Variants in CFAP20DC observed in about 807,000 individuals in gnomAD.
The protein encoded by CFAP20DC is CFAP20 domain containing, also known as protein CFAP20DC.
In CFAP20DC, 84 loss-of-function variants were observed where a neutral mutation model predicts 101.7. The ratio of observed to expected loss-of-function variants is 0.83; its 90% CI spans 0.69 to 0.99. CFAP20DC has a LOEUF of 0.99. Ranked by LOEUF, CFAP20DC falls within the 50% of genes least tolerant of loss-of-function variation. The pLI is 0.00. For missense variants in CFAP20DC, 1,007 were observed against 970.3 expected (o/e 1.04, Z -0.50); for synonymous variants, 359 against 351.2 (o/e 1.02, Z -0.25).
In CFAP20DC at chr3:58,908,005, C is replaced by G. The variant is rs529927610; in HGVS notation, c.550+5703G>C. On this transcript the variant is annotated intron_variant, in intron 6 of 16. Coordinates refer to ENST00000482387, the MANE Select transcript of CFAP20DC (RefSeq NM_001394063.1). ...AATCACACCAATGCTCGTTCTTAGACTCCCTTACGGATAATCCATTCATTT... is the reference window on the plus strand; with the variant it reads ...AATCACACCAATGCTCGTTCTTAGAGTCCCTTACGGATAATCCATTCATTT... Among the ~76,000 whole-genome samples, 7 of 152,294 alleles carry G rather than the reference C, an allele frequency of 4.6e-5. No homozygotes were observed. In the South Asian group the frequency reaches 1.2e-3, roughly 27 times the overall value.
intron 4 of CFAP20DC, among the ~76,000 whole-genome samples, 189 bp downstream of exon 4, chr3:59,039,368 G>A (rs1057122602): frequency 1.3e-5 from 2 of 151,896 alleles, no homozygotes; most frequent in Non-Finnish European, 2.9e-5. Flanking sequence ...TTTTCCTAGG[G>A]AAATGCCAGA....
chr3:58,941,858 T>C (rs2088648678), intron 4 of CFAP20DC, among the ~76,000 whole-genome samples: 1 of 152,150 alleles, frequency 6.6e-6, no homozygotes, highest in Non-Finnish European at 1.5e-5. Context: ...GCCCGGCCCT[T>C]TCATTTCTTT....
intron 5 of CFAP20DC, among the ~76,000 whole-genome samples, chr3:58,916,402 A>T (rs2084715481): frequency 6.6e-6 from 1 of 151,986 alleles, no homozygotes; most frequent in South Asian, 2.1e-4. Context: ...CCAGATCCTT[A>T]CCCACTGTAC....
rs955482937 is a variant in CFAP20DC, at chr3:58,732,832, G to A, written c.198-15204C>T. ...GACACTGGTATGTCTTTGGTGAAAT[G>A]TTCTATATCTATAACTTGTGATTAA... On this transcript the variant is annotated intron_variant, in intron 3 of 3. Coordinates refer to the CFAP20DC transcript ENST00000486145. This position sits in a 1 kb window ranked among gnomAD's most constrained non-coding sequence, Gnocchi z 5.4. Among the ~76,000 whole-genome samples, 4 of 152,206 alleles carry A rather than the reference G, an allele frequency of 2.6e-5. No homozygotes were observed. Among genetic ancestry groups the A allele is most frequent in the Admixed American group, 6.5e-5 (1 of 15,280 alleles).
chr3:59,007,917 GA>G lies in CFAP20DC; in HGVS notation c.278+31639del. Among the ~76,000 whole-genome samples the G allele has an allele frequency of 6.6e-6, 1 of 152,294 alleles. No homozygotes were observed. The highest frequency in any genetic ancestry group is 3.4e-3 in the Middle Eastern group (1 of 292). ...CTGGTAGGTAGTTTCTCATAGCAGA[GA>G]AACAATTGCAATGTGGGGAGCAATA... On this transcript the variant is annotated intron_variant, in intron 4 of 16. Coordinates refer to ENST00000482387, the MANE Select transcript of CFAP20DC (RefSeq NM_001394063.1). The surrounding 1 kb of genome is among the most constrained non-coding windows in gnomAD (Gnocchi z 4.4).
intron 4 of CFAP20DC, among the ~76,000 whole-genome samples, chr3:58,940,963 GC>G (rs2088472589): frequency 6.6e-6 from 1 of 152,046 alleles, no homozygotes; most frequent in Non-Finnish European, 1.5e-5. Flanking sequence ...CATTTTAGAA[GC>G]CCTGCACATC....
chr3:58,956,519 T>C (rs181542047), intron 4 of CFAP20DC, among the ~76,000 whole-genome samples: 20 of 152,068 alleles, frequency 1.3e-4, no homozygotes, highest in Admixed American at 1.2e-3. Context: ...TGCAATACAA[T>C]AGAACACCAG....
At position 58,721,021 on chromosome 3, in the gene CFAP20DC, C is replaced by T. The variant is rs2067465698; in HGVS notation, c.198-3393G>A. 6.6e-6 allele frequency among the ~76,000 whole-genome samples: 1 copy of T among 152,116 alleles called. No individual in the cohort carries two copies. The highest frequency in any genetic ancestry group is 2.1e-4 in the South Asian group (1 of 4,824). On this transcript the variant is annotated intron_variant, in intron 3 of 3. Coordinates refer to the CFAP20DC transcript ENST00000486145. This position sits in a 1 kb window ranked among gnomAD's most constrained non-coding sequence, Gnocchi z 5.2. ...TGGAAATCTCATTTCCTCAAGAAAA[C>T]CTCCTCAGACTCCAAGGCTAGGTTA...
At chr3:58,906,096 TGGC>T (rs2083559543) in intron 6 of CFAP20DC, among the ~76,000 whole-genome samples, 1 of 152,196 alleles carries the variant, frequency 6.6e-6, no homozygotes, top group Admixed American at 6.5e-5. Context: ...ATGGTGATAA[TGGC>T]AACATCCATC....
At chr3:58,779,189 C>G (rs1244057921) in intron 15 of CFAP20DC, among the ~76,000 whole-genome samples, 4 of 151,982 alleles carry the variant, frequency 2.6e-5, no homozygotes, top group African/African-American at 9.7e-5. Flanking sequence ...CAATGAAATA[C>G]AAGATAATTC....
At chr3:59,031,924 C>G (rs1035184435) in intron 4 of CFAP20DC, among the ~76,000 whole-genome samples, 3 of 152,124 alleles carry the variant, frequency 2.0e-5, no homozygotes, top group African/African-American at 4.8e-5. Context: ...TGAATAGGAA[C>G]AGCTCTGGTC....
rs2093646189 is a variant in CFAP20DC, at chr3:59,014,282, C to CA, written c.278+25274dup. ...GATTTCCAACATTTCCATCTGTATG[C>CA]AAAACTGTTGCAGGAAGAAATGTAT... On this transcript the variant is annotated intron_variant, in intron 4 of 16. Coordinates refer to ENST00000482387, the MANE Select transcript of CFAP20DC (RefSeq NM_001394063.1). This position sits in a 1 kb window ranked among gnomAD's most constrained non-coding sequence, Gnocchi z 4.9. Among the ~76,000 whole-genome samples, 1 of 151,946 alleles carries CA rather than the reference C, an allele frequency of 6.6e-6. No homozygotes were observed. The highest frequency in any genetic ancestry group is 1.5e-5 in the Non-Finnish European group (1 of 67,996).
intron 4 of CFAP20DC, among the ~76,000 whole-genome samples, chr3:58,958,530 A>G (rs571182470): frequency 6.6e-6 from 1 of 152,322 alleles, no homozygotes; most frequent in East Asian, 1.9e-4. Flanking sequence ...TTCACTGTTC[A>G]TAGGTACATA....
chr3:58,894,513 T>G lies in CFAP20DC; in HGVS notation c.551-9804A>C, dbSNP rs1464357770. Among the ~76,000 whole-genome samples, 1 of 152,240 alleles carries G rather than the reference T, an allele frequency of 6.6e-6. No homozygotes were observed. Among genetic ancestry groups the G allele is most frequent in the African/African-American group, 2.4e-5 (1 of 41,476 alleles). On this transcript the variant is annotated intron_variant, in intron 6 of 16. Transcript: ENST00000482387. This position sits in a 1 kb window ranked among gnomAD's most constrained non-coding sequence, Gnocchi z 4.1. ...ATGTCTCACATTCAGGACACGCTGA[T>G]GCAGAAGGTGGGTTCCTACGGCCTT...
chr3:58,863,769 C>T lies in CFAP20DC; in HGVS notation c.1382G>A (p.Ser461Asn), dbSNP rs755524466. The T allele has an allele frequency of 2.5e-6, 4 of 1,614,102 alleles. No homozygotes were observed. The highest frequency in any genetic ancestry group is 1.3e-5 in the African/African-American group (1 of 74,936). The change falls in exon 12 of 17, where the codon AGT (serine) becomes AAT (asparagine). Residue 461 changes from serine (S) to asparagine (N), a missense_variant. Coordinates refer to ENST00000482387, the MANE Select transcript of CFAP20DC (RefSeq NM_001394063.1). This position sits in a 1 kb window ranked among gnomAD's most constrained non-coding sequence, Gnocchi z 5.9. ...TTCCTCTGCCTGCTGGTCGTGTTCACTCTCTTTGCTGGCTTCCAGCCACAG... is the reference window on the plus strand; with the variant it reads ...TTCCTCTGCCTGCTGGTCGTGTTCATTCTCTTTGCTGGCTTCCAGCCACAG... ...SHLWLEASKESEHDQQAEESQ... is the reference protein window; with the variant it reads ...SHLWLEASKENEHDQQAEESQ...
chr3:58,868,755 T>C lies in CFAP20DC; in HGVS notation c.1015+573A>G, dbSNP rs1472524659. ...CTTAAATGTCCTCCCTTTTCAACTC[T>C]CAGTAAAGTCAGATCAGTAAGGGTA... On this transcript the variant is annotated intron_variant, in intron 9 of 16. Coordinates refer to ENST00000482387, the MANE Select transcript of CFAP20DC (RefSeq NM_001394063.1). This position sits in a 1 kb window ranked among gnomAD's most constrained non-coding sequence, Gnocchi z 4.6. Among the ~76,000 whole-genome samples the C allele has an allele frequency of 6.6e-6, 1 of 152,142 alleles. No individual in the cohort carries two copies. The highest frequency in any genetic ancestry group is 2.4e-5 in the African/African-American group (1 of 41,426).
At chr3:58,872,401 G>A (rs950360815) in intron 7 of CFAP20DC, among the ~76,000 whole-genome samples, 2 of 152,004 alleles carry the variant, frequency 1.3e-5, no homozygotes, top group African/African-American at 4.8e-5. Flanking sequence ...AGACACATGG[G>A]TTTGTGAAAA....
rs949403457 is a variant in CFAP20DC, at chr3:58,964,014, G to A, written c.279-26252C>T. Among the ~76,000 whole-genome samples the A allele has an allele frequency of 2.6e-5, 4 of 152,220 alleles. No homozygotes were observed. Among genetic ancestry groups the A allele is most frequent in the Non-Finnish European group, 5.9e-5 (4 of 68,038 alleles). On this transcript the variant is annotated intron_variant, in intron 4 of 16. Transcript: ENST00000482387. The surrounding 1 kb of genome is among the most constrained non-coding windows in gnomAD (Gnocchi z 4.1). ...CTAAGGCCATCTAGGCAAGGGTTAA[G>A]TTATGCACTATTACACTTAAAGAAT...
At chr3:58,754,304 G>A (rs2068774572) in intron 15 of CFAP20DC, among the ~76,000 whole-genome samples, 1 of 152,144 alleles carries the variant, frequency 6.6e-6, no homozygotes, top group African/African-American at 2.4e-5. Flanking sequence ...AGCTGCCATG[G>A]ACCCCAGCAG....
Sources: gnomAD v4.1 joint callset for allele counts (sites outside exome capture counted in the v4.1 genomes callset) on GRCh38, gnomAD v4.1.1 for gene constraint, Gnocchi (gnomAD v3.1) non-coding constraint, MANE v1.5 for transcripts, NCBI Gene and HGNC (gene_info 2026-07-23, HGNC 2026-07-21) for gene names.